The following INPP4B variants were observed in gnomAD, a reference collection of about 807,000 sequenced individuals.
INPP4B encodes the protein inositol polyphosphate 4-phosphatase type II.
Under a neutral mutation model 122.5 loss-of-function variants are expected in INPP4B, and 55 were observed. The ratio of observed to expected loss-of-function variants is 0.45; its 90% CI spans 0.36 to 0.56. The LOEUF (loss-of-function observed/expected upper bound fraction) is 0.56, where lower values mean the gene tolerates loss of function less well. Ranked by LOEUF, INPP4B falls within the 20% of genes least tolerant of loss-of-function variation. The pLI is 0.00. For synonymous variants in INPP4B, 403 were observed against 388.7 expected, an observed-to-expected ratio of 1.04 and a Z score of -0.43; for missense variants, 1,000 against 1,097.7, an observed-to-expected ratio of 0.91 and a Z score of 1.26.
chr4:142,819,086 C>G (rs1353984875), intron 1 of INPP4B, among the ~76,000 whole-genome samples: 1 of 152,132 alleles, frequency 6.6e-6, no homozygotes, highest in Admixed American at 6.5e-5. Flanking sequence ...AGTATTTACC[C>G]TAGAAGGAAG....
intron 18 of INPP4B, among the ~76,000 whole-genome samples, chr4:142,136,829 A>T (rs1288732196): frequency 2.0e-5 from 3 of 152,202 alleles, no homozygotes; most frequent in Non-Finnish European, 2.9e-5. Flanking sequence ...GATATCAAGG[A>T]CAAACCTAAA....
chr4:142,638,664 C>A (rs1466742910), intron 2 of INPP4B, among the ~76,000 whole-genome samples: 2 of 151,824 alleles, frequency 1.3e-5, no homozygotes, highest in Non-Finnish European at 2.9e-5. Context: ...CCACCTCAGC[C>A]TCCCAAGAGT....
intron 15 of INPP4B, among the ~76,000 whole-genome samples, chr4:142,190,388 T>C (rs1835260160): frequency 6.6e-6 from 1 of 152,204 alleles, no homozygotes; most frequent in African/African-American, 2.4e-5. Flanking sequence ...GCAATATTTG[T>C]TGCTGAAAAA....
intron 5 of INPP4B, among the ~76,000 whole-genome samples, chr4:142,427,859 C>A (rs1046130051): frequency 2.6e-5 from 4 of 151,848 alleles, no homozygotes; most frequent in Non-Finnish European, 5.9e-5. Flanking sequence ...GAGTGCCTAG[C>A]CTTTCTTTTG....
At chr4:142,413,277 G>T (rs1000611372) in intron 5 of INPP4B, among the ~76,000 whole-genome samples, 1 of 151,916 alleles carries the variant, frequency 6.6e-6, no homozygotes, top group Non-Finnish European at 1.5e-5. Context: ...ACGCATATAA[G>T]GGAAAATAAT....
chr4:142,258,797 A>C (rs977407887), intron 11 of INPP4B, among the ~76,000 whole-genome samples: 2 of 152,284 alleles, frequency 1.3e-5, no homozygotes, highest in South Asian at 2.1e-4. Flanking sequence ...TCAGTGTGGC[A>C]ATTCCTCAGG....
rs184656641 is a variant in INPP4B at position 142,722,928 on chromosome 4, T to C, written c.-191+2911A>G. 4.6e-3 allele frequency among the ~76,000 whole-genome samples: 708 copies of C among 152,278 alleles called. 5 individuals carry two copies. Among genetic ancestry groups the C allele is most frequent in the Non-Finnish European group, 6.4e-3 (436 of 67,980 alleles). On this transcript the variant is annotated intron_variant, in intron 2 of 25. Transcript: ENST00000262992. ...TTCAGTTGTTATTATAGTAGGTATG[T>C]GATAAATAATAGAAAATATAATCTG...
rs2149359644 is a variant in INPP4B, at chr4:142,193,201, G to A, written c.1073-6C>T. ...GATGACATCGTAGAGAGCATCTGGA[G>A]TAGAAACAGACAAGGAGATGAACAC... On this transcript the variant is annotated splice_polypyrimidine_tract_variant and splice_region_variant and intron_variant, in intron 14 of 25. Transcript: ENST00000262992. The A allele has an allele frequency of 6.4e-7, 1 of 1,561,560 alleles. No homozygotes were observed. Among genetic ancestry groups the A allele is most frequent in the South Asian group, 1.1e-5 (1 of 89,732 alleles).
intron 2 of INPP4B, among the ~76,000 whole-genome samples, chr4:142,705,971 CA>C (rs1182411862): frequency 6.6e-6 from 1 of 152,212 alleles, no homozygotes; most frequent in African/African-American, 2.4e-5. Flanking sequence ...TCCTGTTACA[CA>C]GAGGACAAAA....
At chr4:142,370,455 A>G (rs1200578070) in intron 7 of INPP4B, among the ~76,000 whole-genome samples, 1 of 152,168 alleles carries the variant, frequency 6.6e-6, no homozygotes, top group African/African-American at 2.4e-5. Context: ...GAAGAAATGG[A>G]AAGATTAAGA....
intron 1 of INPP4B, among the ~76,000 whole-genome samples, chr4:142,744,420 G>A (rs1303134197): frequency 6.6e-6 from 1 of 151,696 alleles, no homozygotes; most frequent in East Asian, 1.9e-4. Flanking sequence ...AATTTGATGG[G>A]GAAAAATCAA....
intron 11 of INPP4B, among the ~76,000 whole-genome samples, chr4:142,257,624 A>C (rs1478446144): frequency 6.6e-6 from 1 of 152,226 alleles, no homozygotes; most frequent in East Asian, 1.9e-4. Context: ...AAGAGAATCA[A>C]ATACCTAGGA....
intron 2 of INPP4B, among the ~76,000 whole-genome samples, chr4:142,650,702 A>G (rs1752759721): frequency 6.6e-6 from 1 of 152,194 alleles, no homozygotes; most frequent in Admixed American, 6.5e-5. Flanking sequence ...CCAACACAGG[A>G]GCACCCAGAT....
At chr4:142,671,611 C>A (rs1420296344) in intron 2 of INPP4B, among the ~76,000 whole-genome samples, 1 of 152,024 alleles carries the variant, frequency 6.6e-6, no homozygotes, top group African/African-American at 2.4e-5. Flanking sequence ...TAGAAGTTGT[C>A]CCACTTACTA....
intron 15 of INPP4B, among the ~76,000 whole-genome samples, chr4:142,182,031 T>C (rs1042409643): frequency 3.3e-5 from 5 of 152,158 alleles, no homozygotes; most frequent in Admixed American, 1.3e-4. Context: ...TAAGCTAACA[T>C]TGCACACTTA....
At chr4:142,653,583 A>C (rs1753487953) in intron 2 of INPP4B, among the ~76,000 whole-genome samples, 1 of 152,252 alleles carries the variant, frequency 6.6e-6, no homozygotes, top group Non-Finnish European at 1.5e-5. Flanking sequence ...ACTTCATAAA[A>C]GAAGACATTC....
intron 12 of INPP4B, among the ~76,000 whole-genome samples, chr4:142,228,110 C>T (rs959763059): frequency 9.4e-4 from 143 of 151,588 alleles, no homozygotes; most frequent in African/African-American, 3.4e-3. Context: ...ATCTGCTCAT[C>T]ACAAATATTT....
At chr4:142,597,448 T>C (rs1396568246) in intron 2 of INPP4B, among the ~76,000 whole-genome samples, 1 of 152,172 alleles carries the variant, frequency 6.6e-6, no homozygotes, top group Non-Finnish European at 1.5e-5. Context: ...AGATAAATAA[T>C]GAGGTAAGTA....
chr4:142,765,217 G>T (rs1440342787), intron 1 of INPP4B, among the ~76,000 whole-genome samples: 1 of 152,150 alleles, frequency 6.6e-6, no homozygotes, highest in Non-Finnish European at 1.5e-5. Context: ...GCAAGGCAAT[G>T]AAGATATTGA....
Sources: allele counts gnomAD v4.1 joint callset (sites outside exome capture counted in the v4.1 genomes callset), GRCh38; gene constraint gnomAD v4.1.1; transcripts MANE v1.5; gene names NCBI Gene and HGNC (gene_info 2026-07-23, HGNC 2026-07-21).